The following ABLIM1 variants were observed in gnomAD, a reference collection of about 807,000 sequenced individuals.
The protein encoded by ABLIM1 is actin binding LIM protein 1.
ABLIM1 carries 40 observed loss-of-function variants against 107.0 expected under a neutral mutation model. That is an observed-to-expected ratio of 0.37 (90% confidence interval 0.29 to 0.49). The LOEUF is 0.49. Ranked by LOEUF, ABLIM1 falls within the 20% of genes least tolerant of loss-of-function variation. ABLIM1 has a pLI of 0.97. For missense variants in ABLIM1, 857 were observed against 1,008.5 expected (o/e 0.85, Z 2.04); for synonymous variants, 357 against 357.3 (o/e 1.00, Z 0.01).
intron 2 of ABLIM1, among the ~76,000 whole-genome samples, chr10:114,595,555 G>A (rs533244078): frequency 2.0e-5 from 3 of 152,182 alleles, no homozygotes; most frequent in Non-Finnish European, 2.9e-5. Context: ...GGCTGTAATG[G>A]ACAAGGATGA....
Position 114,575,573 on chromosome 10 carries a change from C to A in ABLIM1, c.406G>T (p.Gly136Cys). 3 of 1,613,954 alleles carry A rather than the reference C, an allele frequency of 1.9e-6. No individual in the cohort carries two copies. The highest frequency in any genetic ancestry group is 2.5e-6 in the Non-Finnish European group (3 of 1,179,924). The change falls in exon 3 of 23, where the codon GGC becomes TGC. Residue 136 changes from glycine to cysteine, a missense_variant. Physicochemically the swap from Gly to Cys is radical, Grantham distance 159 (BLOSUM62 -3). This residue lies in a region of ABLIM1 where 176 missense variants were observed against 173.5 expected (regional missense o/e 1.01). Transcript: ENST00000533213. ...KVCGCDLAQG[G>C]FFIKNGEYLC... Reference sequence around the variant, plus strand: ...TACTCTCCGTTCTTTATGAAGAAGCCCCCTTGTGCCAGGTCACAGCCACAC... The same window carrying A: ...TACTCTCCGTTCTTTATGAAGAAGCACCCTTGTGCCAGGTCACAGCCACAC...
At chr10:114,530,917 G>A (rs906208816) in intron 6 of ABLIM1, among the ~76,000 whole-genome samples, 1 of 152,174 alleles carries the variant, frequency 6.6e-6, no homozygotes, top group African/African-American at 2.4e-5. Context: ...AAAGGACATG[G>A]CAAAAATTCA....
At chr10:114,744,293 C>T (rs989637476) in intron 1 of ABLIM1, among the ~76,000 whole-genome samples, 4 of 152,184 alleles carry the variant, frequency 2.6e-5, no homozygotes, top group Admixed American at 6.5e-5. Flanking sequence ...ATCTCTTCTT[C>T]CCCTGATCAA....
At chr10:114,514,741 A>G (rs1237408559) in intron 6 of ABLIM1, among the ~76,000 whole-genome samples, 3 of 152,184 alleles carry the variant, frequency 2.0e-5, no homozygotes, top group African/African-American at 7.2e-5. Context: ...AAACCTATGA[A>G]AAGGTATTCA....
intron 1 of ABLIM1, among the ~76,000 whole-genome samples, chr10:114,726,584 C>T (rs1463131987): frequency 6.4e-5 from 7 of 109,248 alleles, no homozygotes; most frequent in Non-Finnish European, 1.1e-4. Context: ...AGTCCCAGAC[C>T]AGCCTGACCA....
intron 1 of ABLIM1, among the ~76,000 whole-genome samples, chr10:114,603,082 T>A (rs909119057): frequency 2.6e-5 from 4 of 152,198 alleles, no homozygotes; most frequent in African/African-American, 9.7e-5. Context: ...GAGCATTATA[T>A]GGGACAAGAA....
In ABLIM1 at chr10:114,658,042, C is replaced by T; in HGVS notation, c.159G>A (p.Arg53=). ...RVSGTSFTAH[R]RATITHLLYL... ...ACAGCAAATGAGTGATAGTGGCACG[C>T]CTATGAGCGGTGAAGGAGGTCCCAG... Residue 53 remains arginine, a synonymous_variant, in exon 1 of 23, where the codon AGG becomes AGA. Coordinates refer to ENST00000533213, the MANE Select transcript of ABLIM1 (RefSeq NM_002313.7). 1 of 1,614,194 alleles carries T rather than the reference C, an allele frequency of 6.2e-7. No homozygotes were observed. The highest frequency in any genetic ancestry group is 2.2e-5 in the East Asian group (1 of 44,882).
intron 1 of ABLIM1, among the ~76,000 whole-genome samples, chr10:114,642,610 G>A (rs991274860): frequency 6.6e-6 from 1 of 152,104 alleles, no homozygotes; most frequent in East Asian, 1.9e-4. Context: ...GAGAACCTAA[G>A]AAGCAGATGT....
At chr10:114,485,530 A>G (rs993089273) in intron 8 of ABLIM1, 1 of 710,110 alleles carries the variant, frequency 1.4e-6, no homozygotes, top group Non-Finnish European at 2.2e-6. Flanking sequence ...ATTGATGTAC[A>G]TGTGGATTTT....
At chr10:114,627,877 C>T (rs2077917979) in intron 1 of ABLIM1, among the ~76,000 whole-genome samples, 1 of 152,198 alleles carries the variant, frequency 6.6e-6, no homozygotes, top group African/African-American at 2.4e-5. Context: ...AATCCCAGCA[C>T]TTTGGGAGGC....
chr10:114,757,048 C>A (rs1359987803), intron 1 of ABLIM1, among the ~76,000 whole-genome samples: 3 of 152,146 alleles, frequency 2.0e-5, no homozygotes, highest in Non-Finnish European at 2.9e-5. Flanking sequence ...TTTTGCAGTG[C>A]TAACAATGAT....
intron 1 of ABLIM1, among the ~76,000 whole-genome samples, chr10:114,749,178 G>A (rs893626643): frequency 6.6e-6 from 1 of 152,080 alleles, no homozygotes; most frequent in Non-Finnish European, 1.5e-5. Context: ...TTCACAGGGT[G>A]GTTATCTCAC....
chr10:114,465,752 G>A lies in ABLIM1; in HGVS notation c.1387C>T (p.Arg463Cys), dbSNP rs868447773. The change falls in exon 12 of 23, where the codon CGC becomes TGC. Residue 463 changes from arginine to cysteine, a missense_variant. Arg to Cys is a radical substitution (Grantham distance 180). Transcript: ENST00000533213. The stretch of plus-strand genomic sequence containing the variant: ...GACGTGGTTGGAGTGTAGCTGTGGC[G>A]GCTGTACACAGGGGAGTTGATGGAG... ...QGSINSPVYS[R>C]HSYTPTTSRS... 6.9e-5 allele frequency: 111 copies of A among 1,613,900 alleles called. No homozygotes were observed. The highest frequency in any genetic ancestry group is 8.7e-5 in the Non-Finnish European group (103 of 1,179,984).
At chr10:114,441,156 A>G in intron 18 of ABLIM1, 79 bp from the exon 19 acceptor site, 2 of 1,423,104 alleles carry the variant, frequency 1.4e-6, no homozygotes. Flanking sequence ...GAAAGAGTTT[A>G]CAAAATCCTA....
chr10:114,759,493 C>G (rs1321992921), intron 1 of ABLIM1, among the ~76,000 whole-genome samples: 1 of 152,058 alleles, frequency 6.6e-6, no homozygotes, highest in African/African-American at 2.4e-5. Flanking sequence ...ATGTGAATTA[C>G]CTAAGAAATA....
intron 17 of ABLIM1, among the ~76,000 whole-genome samples, chr10:114,443,551 G>A (rs192457034): frequency 1.7e-3 from 255 of 151,888 alleles, no homozygotes; most frequent in African/African-American, 6.0e-3. Context: ...GACCTCAGGT[G>A]ATCCGCCTGC....
Position 114,473,965 on chromosome 10 carries a change from T to C in ABLIM1, c.1042-9A>G, listed in dbSNP as rs1458454893. On this transcript the variant is annotated splice_polypyrimidine_tract_variant and intron_variant, in intron 8 of 22. Coordinates refer to ENST00000533213, the MANE Select transcript of ABLIM1 (RefSeq NM_002313.7). ...GAGGATGTCCTGGTAGGCTGTAAAA[T>C]AAACAGTGACTTGTAAGACTTCGGA... 1.2e-6 allele frequency: 2 copies of C among 1,611,166 alleles called. No individual in the cohort carries two copies. Among genetic ancestry groups the C allele is most frequent in the Admixed American group, 3.3e-5 (2 of 59,988 alleles).
intron 1 of ABLIM1, among the ~76,000 whole-genome samples, chr10:114,716,964 G>A (rs534811155): frequency 6.6e-6 from 1 of 152,042 alleles, no homozygotes; most frequent in Non-Finnish European, 1.5e-5. Flanking sequence ...ATAAAGTCAA[G>A]TGTACATGTG....
rs1271451446 is a variant in ABLIM1 at position 114,763,227 on chromosome 10, C to A, written c.-213+4834G>T. On this transcript the variant is annotated intron_variant, in intron 1 of 15. Coordinates refer to the ABLIM1 transcript ENST00000651092. The stretch of plus-strand genomic sequence containing the variant: ...TGTCTGGAAGGGTTTATGGGATGCA[C>A]TGTTTGCCATTAATTCTGAGGTTTT... 3.3e-5 allele frequency among the ~76,000 whole-genome samples: 5 copies of A among 152,234 alleles called. No individual in the cohort carries two copies. The East Asian group carries it at 9.6e-4, about 29-fold the overall frequency.
Sources: allele counts gnomAD v4.1 joint callset (sites outside exome capture counted in the v4.1 genomes callset), GRCh38; gene constraint gnomAD v4.1.1; regional missense constraint gnomAD v4.1.1; transcripts MANE v1.5; gene names NCBI Gene and HGNC (gene_info 2026-07-23, HGNC 2026-07-21).